The following DNAAF4 variants were observed in gnomAD, a reference collection of about 807,000 sequenced individuals.
DNAAF4 encodes dynein axonemal assembly factor 4.
A neutral mutation model predicts 51.8 loss-of-function variants in DNAAF4; 43 were observed. The ratio of observed to expected loss-of-function variants is 0.83; its 90% CI spans 0.65 to 1.07. DNAAF4 has a LOEUF of 1.07. Ranked by LOEUF, DNAAF4 falls within the 50% of genes least tolerant of loss-of-function variation. The probability of loss-of-function intolerance (pLI) is 0.00; values close to 1 mark genes in which losing one functional copy is unlikely to be tolerated. For missense variants in DNAAF4, 581 were observed against 493.0 expected (o/e 1.18, Z -1.69); for synonymous variants, 194 against 165.6 (o/e 1.17, Z -1.32).
intron 4 of DNAAF4, among the ~76,000 whole-genome samples, chr15:55,487,654 C>G (rs956989819): frequency 4.0e-5 from 6 of 151,866 alleles, no homozygotes; most frequent in Non-Finnish European, 8.8e-5. Flanking sequence ...ACGAACCTAC[C>G]GAGAGGAACA....
chr15:55,501,520 T>C (rs1464447062), intron 1 of DNAAF4, among the ~76,000 whole-genome samples: 2 of 149,520 alleles, frequency 1.3e-5, no homozygotes, highest in South Asian at 2.1e-4. Context: ...GGACTACAGG[T>C]GCCCGCCACC....
At chr15:55,443,762 CATT>C (rs1204680081) in intron 6 of DNAAF4, among the ~76,000 whole-genome samples, 1 of 152,174 alleles carries the variant, frequency 6.6e-6, no homozygotes, top group Non-Finnish European at 1.5e-5. Flanking sequence ...GATGGTATCT[CATT>C]GTGGTTTTGA....
intron 1 of DNAAF4, among the ~76,000 whole-genome samples, chr15:55,501,642 C>A (rs1014136166): frequency 2.0e-5 from 3 of 151,272 alleles, no homozygotes; most frequent in Admixed American, 2.0e-4. Context: ...CCCAAAGTGC[C>A]GGGATTACAG....
rs1425582737 is a variant in DNAAF4, at chr15:55,497,643, T to TA, written c.271+68dup. On this transcript the variant is annotated intron_variant, in intron 3 of 9. Transcript: ENST00000321149. Reference sequence around the variant, plus strand: ...CCTACACAATATAGGTGCTTCAAAATAAAATTTTTTAAAAGGTCTGAAACC... The same window carrying TA: ...CCTACACAATATAGGTGCTTCAAAATAAAAATTTTTTAAAAGGTCTGAAACC... 2.6e-6 allele frequency: 4 copies of TA among 1,519,440 alleles called. No individual in the cohort carries two copies. The African/African-American group carries it at 5.6e-5, about 21-fold the overall frequency. The allele number at this position is 1,519,440 out of a possible 1,614,324, so 94.1% of individuals were successfully genotyped here.
At chr15:55,473,054 T>C (rs1413608456) in intron 4 of DNAAF4, among the ~76,000 whole-genome samples, 3 of 151,112 alleles carry the variant, frequency 2.0e-5, no homozygotes, top group African/African-American at 7.3e-5. Flanking sequence ...TAATCCCAGC[T>C]ATTCGGGAGG....
chr15:55,459,585 G>GT (rs755142381), intron 5 of DNAAF4, among the ~76,000 whole-genome samples: 9 of 152,146 alleles, frequency 5.9e-5, no homozygotes, highest in Non-Finnish European at 1.2e-4. Context: ...AACCAACCAA[G>GT]TAAGTCTTTT....
chr15:55,475,779 C>T (rs759369476), intron 4 of DNAAF4, among the ~76,000 whole-genome samples: 1 of 152,116 alleles, frequency 6.6e-6, no homozygotes, highest in Non-Finnish European at 1.5e-5. Flanking sequence ...GGGCTCATTT[C>T]CGGGTAGGGC....
chr15:55,441,352 G>T (rs2057709578), intron 6 of DNAAF4, among the ~76,000 whole-genome samples: 1 of 152,110 alleles, frequency 6.6e-6, no homozygotes, highest in South Asian at 2.1e-4. Flanking sequence ...TTACAGGCGT[G>T]AGCCACCATG....
At chr15:55,442,090 G>C (rs1404894570) in intron 6 of DNAAF4, among the ~76,000 whole-genome samples, 1 of 152,066 alleles carries the variant, frequency 6.6e-6, no homozygotes, top group African/African-American at 2.4e-5. Context: ...AGTGGAGCAG[G>C]TAACACATCC....
chr15:55,469,059 G>A lies in DNAAF4; in HGVS notation c.406-1898C>T, dbSNP rs530518802. ...AACAGAGTGTACAGTGACCGGGCGC[G>A]GTGGCTCACGCCTGAAATCCCAGCA... On this transcript the variant is annotated intron_variant, in intron 4 of 9. Coordinates refer to ENST00000321149, the MANE Select transcript of DNAAF4 (RefSeq NM_130810.4). 5.9e-5 allele frequency among the ~76,000 whole-genome samples: 9 copies of A among 152,118 alleles called. No individual in the cohort carries two copies. The East Asian group carries it at 7.8e-4, about 13-fold the overall frequency.
At chr15:55,486,241 G>A (rs1191653425) in intron 4 of DNAAF4, among the ~76,000 whole-genome samples, 14 of 150,280 alleles carry the variant, frequency 9.3e-5, no homozygotes, top group Admixed American at 2.0e-4. Flanking sequence ...TTACCCAGGC[G>A]GGAGTGCAAT....
chr15:55,443,359 G>A (rs1456850722), intron 6 of DNAAF4: 6 of 768,392 alleles, frequency 7.8e-6, no homozygotes, highest in Admixed American at 2.8e-5. Flanking sequence ...CCTCAGCATG[G>A]CTCAGGGCCG....
At chr15:55,469,696 T>G (rs2058224848) in intron 4 of DNAAF4, among the ~76,000 whole-genome samples, 1 of 151,862 alleles carries the variant, frequency 6.6e-6, no homozygotes, top group Middle Eastern at 3.4e-3. Context: ...TTCACTGTGT[T>G]AGCCAGGATG....
intron 3 of DNAAF4, among the ~76,000 whole-genome samples, chr15:55,496,856 AGGGAGAGGTTTT>A (rs2141600916): frequency 6.6e-6 from 1 of 152,268 alleles, no homozygotes; most frequent in East Asian, 1.9e-4. Context: ...CAGCAAATGC[AGGGAGAGGTTTT>A]GCCAGAACTC....
At chr15:55,435,371 C>T (rs2057590811) in intron 7 of DNAAF4, among the ~76,000 whole-genome samples, 1 of 152,130 alleles carries the variant, frequency 6.6e-6, no homozygotes, top group Admixed American at 6.6e-5. Flanking sequence ...TAGGATGAAG[C>T]CTGTGGGTTG....
chr15:55,450,424 C>A, intron 5 of DNAAF4, 57 bp from the exon 6 acceptor site: 1 of 1,557,996 alleles, frequency 6.4e-7, no homozygotes, highest in Non-Finnish European at 8.7e-7. Flanking sequence ...AGTTAACAAT[C>A]AACTGATAAA....
At chr15:55,495,992 C>T (rs2058635673) in intron 3 of DNAAF4, among the ~76,000 whole-genome samples, 2 of 152,144 alleles carry the variant, frequency 1.3e-5, no homozygotes, top group Non-Finnish European at 2.9e-5. Flanking sequence ...TTCGGGAGGC[C>T]GAGGTGGGTG....
intron 9 of DNAAF4, 94 bp from the exon 10 acceptor site, chr15:55,430,873 T>G: frequency 1.0e-6 from 1 of 1,000,744 alleles, no homozygotes; most frequent in East Asian, 2.7e-5. Context: ...AAATAATCAC[T>G]AGTAGCATGG....
At chr15:55,451,650 G>A (rs1026148619) in intron 5 of DNAAF4, among the ~76,000 whole-genome samples, 21 of 149,050 alleles carry the variant, frequency 1.4e-4, no homozygotes, top group African/African-American at 3.7e-4. Context: ...GGTTATTACC[G>A]TCACCGAGGC....
Sources: gnomAD v4.1 joint callset for allele counts (sites outside exome capture counted in the v4.1 genomes callset) on GRCh38, gnomAD v4.1.1 for gene constraint, MANE v1.5 for transcripts, NCBI Gene and HGNC (gene_info 2026-07-23, HGNC 2026-07-21) for gene names.